Variants in TNPO1 observed in about 807,000 individuals in gnomAD.
The protein encoded by TNPO1 is transportin-1.
TNPO1 carries 8 observed loss-of-function variants against 119.5 expected under a neutral mutation model. The observed-to-expected ratio is 0.07, with a 90% CI of 0.04 to 0.12. TNPO1 has a LOEUF of 0.12. TNPO1 is among the 10% of genes least tolerant of loss of function. TNPO1 has a pLI of 1.00. For missense variants in TNPO1, 576 were observed against 1,089.8 expected, an observed-to-expected ratio of 0.53 and a Z score of 6.64; for synonymous variants, 362 against 363.0, an observed-to-expected ratio of 1.00 and a Z score of 0.03.
chr5:72,861,613 A>C (rs549792255), intron 4 of TNPO1, among the ~76,000 whole-genome samples, 195 bp from the exon 5 acceptor site: 1 of 152,276 alleles, frequency 6.6e-6, no homozygotes, highest in South Asian at 2.1e-4. Context: ...CATGTTGCCC[A>C]GGCTGGTCTG....
Position 72,909,738 on chromosome 5 carries a change from A to C in TNPO1, c.*1065A>C, listed in dbSNP as rs1463980371. 1 of 152,628 alleles carries C rather than the reference A, an allele frequency of 6.6e-6. No individual in the cohort carries two copies. The highest frequency in any genetic ancestry group is 1.5e-5 in the Non-Finnish European group (1 of 68,042). 9.5% of individuals were successfully genotyped at this position (152,628 alleles called of 1,614,324 possible). A position where few individuals can be genotyped will look rare whatever the true frequency, so the allele number is the denominator to read the frequency against. Reference sequence around the variant, plus strand: ...TGGATTTTATTTTTATTAAGAACATAGATATATAAAGTACTGTAGTTTACA... The same window carrying C: ...TGGATTTTATTTTTATTAAGAACATCGATATATAAAGTACTGTAGTTTACA... On this transcript the variant is annotated 3_prime_UTR_variant, in exon 25 of 25. Transcript: ENST00000337273.
intron 3 of TNPO1, among the ~76,000 whole-genome samples, chr5:72,853,148 TTG>T (rs1215048157): frequency 1.3e-5 from 2 of 152,156 alleles, no homozygotes; most frequent in East Asian, 3.9e-4. Context: ...TGGCTCTTTC[TTG>T]GGATATAAGG....
At chr5:72,885,377 A>G (rs1479586698) in intron 11 of TNPO1, among the ~76,000 whole-genome samples, 1 of 152,214 alleles carries the variant, frequency 6.6e-6, no homozygotes, top group Non-Finnish European at 1.5e-5. Context: ...GCTCAAGATC[A>G]TTACACAGAA....
chr5:72,884,058 A>T (rs550199602), intron 11 of TNPO1, among the ~76,000 whole-genome samples: 2 of 151,980 alleles, frequency 1.3e-5, no homozygotes, highest in African/African-American at 4.8e-5. Context: ...CCCAATGTGT[A>T]TTCAGTTCTC....
Position 72,851,231 on chromosome 5 carries a change from C to T in TNPO1, c.130-13C>T. ...TTACACAGAGAAGTTTCCTTAACTA[C>T]TGTTTGTTCTAGAAACTGGAACAAC... On this transcript the variant is annotated splice_polypyrimidine_tract_variant and intron_variant, in intron 2 of 24. Transcript: ENST00000337273. 6.5e-7 allele frequency: 1 copy of T among 1,529,264 alleles called. No individual in the cohort carries two copies. The highest frequency in any genetic ancestry group is 9.0e-7 in the Non-Finnish European group (1 of 1,111,544). The allele number at this position is 1,529,264 out of a possible 1,614,324, so 94.7% of individuals were successfully genotyped here.
intron 1 of TNPO1, among the ~76,000 whole-genome samples, chr5:72,823,798 C>A (rs1483982593): frequency 1.8e-4 from 28 of 152,074 alleles, no homozygotes. Flanking sequence ...AGAAAAAAAA[C>A]CACACAACCA....
In TNPO1 at chr5:72,877,051, C is replaced by T. The variant is rs184021834; in HGVS notation, c.802-177C>T. On this transcript the variant is annotated intron_variant, in intron 8 of 24. Transcript: ENST00000337273. ...CAGAGCTTGCAGTGAGCCGAGTTCA[C>T]GCCACTGCATTCCAGCCTGGGCGAC... Among the ~76,000 whole-genome samples, 306 of 142,174 alleles carry T rather than the reference C, an allele frequency of 2.2e-3. 1 individual carries two copies. The highest frequency in any genetic ancestry group is 7.4e-3 in the African/African-American group (285 of 38,316). The allele number at this position is 142,174 out of a possible 152,430, so 93.3% of individuals were successfully genotyped here.
At chr5:72,907,540 T>C (rs183632607) in intron 24 of TNPO1, among the ~76,000 whole-genome samples, 1 of 152,162 alleles carries the variant, frequency 6.6e-6, no homozygotes, top group Non-Finnish European at 1.5e-5. Context: ...CTTGGCATGA[T>C]TGGGTAGTAG....
chr5:72,839,268 AAG>A (rs1456003299), intron 1 of TNPO1, among the ~76,000 whole-genome samples: 1 of 152,162 alleles, frequency 6.6e-6, no homozygotes, highest in Non-Finnish European at 1.5e-5. Flanking sequence ...GGCTTATTAG[AAG>A]AGTTTACTTT....
intron 21 of TNPO1, 161 bp from the exon 22 acceptor site, chr5:72,900,813 A>G: frequency 4.6e-6 from 2 of 430,112 alleles, no homozygotes. Context: ...GGGCCCAACA[A>G]ACAGGAAGTA....
At position 72,872,273 on chromosome 5, in the gene TNPO1, T is replaced by G. The variant is rs1481173403; in HGVS notation, c.597-366T>G. 3.9e-5 allele frequency among the ~76,000 whole-genome samples: 6 copies of G among 152,186 alleles called. No homozygotes were observed. In the East Asian group the frequency reaches 1.2e-3, roughly 29 times the overall value. ...TGCATATGCCAGAACACATGGACTA[T>G]TCTCCATTTTTAGTTTCAAAAGGAA... On this transcript the variant is annotated intron_variant, in intron 6 of 24. Transcript: ENST00000337273.
intron 24 of TNPO1, 191 bp downstream of exon 24, chr5:72,905,636 T>C: frequency 3.4e-6 from 1 of 298,296 alleles, no homozygotes; most frequent in Non-Finnish European, 6.1e-6. Context: ...GGCTCATGTC[T>C]GTAATCCCAG....
intron 1 of TNPO1, among the ~76,000 whole-genome samples, chr5:72,823,416 A>T (rs145968276): frequency 2.0e-5 from 3 of 152,256 alleles, no homozygotes; most frequent in African/African-American, 7.2e-5. Context: ...TCAGCCACTC[A>T]TTCCACAGTG....
chr5:72,871,052 C>T (rs1410363846), intron 6 of TNPO1, among the ~76,000 whole-genome samples: 1 of 152,144 alleles, frequency 6.6e-6, no homozygotes, highest in African/African-American at 2.4e-5. Flanking sequence ...TCACTGCAAC[C>T]TCCGCTGCCC....
At chr5:72,894,748 T>G (rs1343158899) in intron 18 of TNPO1, among the ~76,000 whole-genome samples, 1 of 152,228 alleles carries the variant, frequency 6.6e-6, no homozygotes, top group South Asian at 2.1e-4. Flanking sequence ...GATATAATTG[T>G]GCTTTTGGAT....
intron 6 of TNPO1, 27 bp downstream of exon 6, chr5:72,865,756 TTAAC>T (rs762214197): frequency 6.3e-7 from 1 of 1,598,454 alleles, no homozygotes; most frequent in Non-Finnish European, 8.5e-7. Context: ...TACTAATTGA[TTAAC>T]TGTGATATAA....
chr5:72,874,059 A>G (rs1747597951), intron 7 of TNPO1, among the ~76,000 whole-genome samples: 1 of 152,144 alleles, frequency 6.6e-6, no homozygotes, highest in Non-Finnish European at 1.5e-5. Context: ...TGAAAATAAA[A>G]ATTTCATAGG....
chr5:72,827,173 T>G (rs925064113), intron 1 of TNPO1, among the ~76,000 whole-genome samples: 1 of 151,996 alleles, frequency 6.6e-6, no homozygotes, highest in Non-Finnish European at 1.5e-5. Context: ...GGAACAAACT[T>G]AGCATGATCT....
chr5:72,865,281 A>C (rs972534856), intron 5 of TNPO1, among the ~76,000 whole-genome samples: 2 of 152,016 alleles, frequency 1.3e-5, no homozygotes, highest in Non-Finnish European at 2.9e-5. Context: ...ATCTCTACAA[A>C]AAATACAAAA....
Sources: allele counts gnomAD v4.1 joint callset (sites outside exome capture counted in the v4.1 genomes callset), GRCh38; gene constraint gnomAD v4.1.1; transcripts MANE v1.5; gene names NCBI Gene and HGNC (gene_info 2026-07-23, HGNC 2026-07-21).